AKAP19: variants seen among roughly 807,000 people sequenced by gnomAD.
AKAP19 encodes the protein A-kinase anchoring protein 19, also known as small A-kinase anchoring protein.
chr2:189,978,414 A>G, the AKAP19 span, among the ~76,000 whole-genome samples: 6 of 152,106 alleles, frequency 3.9e-5, no homozygotes, highest in Admixed American at 1.3e-4. Flanking sequence ...TGAGGTCAGG[A>G]GTTCAAGACC....
the AKAP19 span, among the ~76,000 whole-genome samples, chr2:190,182,490 T>TAA: frequency 6.6e-6 from 1 of 152,214 alleles, no homozygotes. Flanking sequence ...ATACTTTGTC[T>TAA]AACCCTAGGG....
At chr2:190,019,771 C>A in the AKAP19 span, among the ~76,000 whole-genome samples, 1 of 152,100 alleles carries the variant, frequency 6.6e-6, no homozygotes, top group Non-Finnish European at 1.5e-5. Flanking sequence ...CAGGATTATC[C>A]TCTCTGTTTG....
At chr2:190,171,286 A>C in the AKAP19 span, among the ~76,000 whole-genome samples, 6 of 152,144 alleles carry the variant, frequency 3.9e-5, no homozygotes, top group African/African-American at 1.4e-4. Context: ...ATTTTACTGA[A>C]GGTGAAGGAA....
At chr2:190,001,542 A>G in the AKAP19 span, among the ~76,000 whole-genome samples, 1 of 152,036 alleles carries the variant, frequency 6.6e-6, no homozygotes, top group Non-Finnish European at 1.5e-5. Context: ...ATTAGCACTG[A>G]TGTCTCTCCT....
At chr2:190,101,414 G>A in the AKAP19 span, among the ~76,000 whole-genome samples, 1 of 152,250 alleles carries the variant, frequency 6.6e-6, no homozygotes, top group South Asian at 2.1e-4. Flanking sequence ...GCTCCCCTGA[G>A]AGGATAGCAG....
At chr2:189,888,968 T>C in the AKAP19 span, among the ~76,000 whole-genome samples, 4 of 152,212 alleles carry the variant, frequency 2.6e-5, no homozygotes, top group Non-Finnish European at 5.9e-5. Context: ...CTTCCAATAC[T>C]ATGTTGAATA....
At chr2:190,165,267 T>C in the AKAP19 span, among the ~76,000 whole-genome samples, 1 of 151,936 alleles carries the variant, frequency 6.6e-6, no homozygotes, top group African/African-American at 2.4e-5. Flanking sequence ...TGAAATCCCA[T>C]CTCTACTAAA....
the AKAP19 span, among the ~76,000 whole-genome samples, chr2:190,162,881 A>G: frequency 6.6e-6 from 1 of 152,198 alleles, no homozygotes; most frequent in Non-Finnish European, 1.5e-5. Flanking sequence ...GAAATTATAT[A>G]TTTGTCTAGA....
the AKAP19 span, among the ~76,000 whole-genome samples, chr2:190,185,665 T>C: frequency 6.6e-6 from 1 of 152,216 alleles, no homozygotes; most frequent in African/African-American, 2.4e-5. Context: ...TTTTTTCCTC[T>C]ACCTGGAGGA....
chr2:190,107,325 A>G, the AKAP19 span, among the ~76,000 whole-genome samples: 2 of 152,208 alleles, frequency 1.3e-5, no homozygotes, highest in Non-Finnish European at 2.9e-5. Flanking sequence ...TGCTAAGATA[A>G]TAAATTTAAA....
the AKAP19 span, among the ~76,000 whole-genome samples, chr2:189,882,138 A>G: frequency 8.1e-3 from 1,228 of 152,292 alleles, 15 homozygotes; most frequent in African/African-American, 0.027. Context: ...GGCCTGTCAG[A>G]AAGTGACATT....
At chr2:189,885,532 C>T in the AKAP19 span, among the ~76,000 whole-genome samples, 1 of 152,184 alleles carries the variant, frequency 6.6e-6, no homozygotes, top group Non-Finnish European at 1.5e-5. Flanking sequence ...AACCACCCAG[C>T]TGAGCTCGTT....
chr2:190,035,982 C>T, the AKAP19 span, among the ~76,000 whole-genome samples: 1 of 152,108 alleles, frequency 6.6e-6, no homozygotes, highest in African/African-American at 2.4e-5. Context: ...TTATAAGAAA[C>T]AGCCAAACTG....
chr2:190,113,919 A>G, the AKAP19 span, among the ~76,000 whole-genome samples: 8 of 152,218 alleles, frequency 5.3e-5, no homozygotes, highest in Non-Finnish European at 1.0e-4. Context: ...AAAGGAAACT[A>G]GGATAAGACA....
At chr2:189,913,619 G>C in the AKAP19 span, among the ~76,000 whole-genome samples, 1 of 152,010 alleles carries the variant, frequency 6.6e-6, no homozygotes, top group Non-Finnish European at 1.5e-5. Context: ...TATGGCTATA[G>C]GTTAGCTGGA....
the AKAP19 span, among the ~76,000 whole-genome samples, chr2:190,133,862 G>A: frequency 2.8e-4 from 42 of 152,288 alleles, 2 homozygotes; most frequent in Admixed American, 2.7e-3. Context: ...TTGAGGAAAT[G>A]TTGGTCAAGG....
At chr2:190,115,198 A>G in the AKAP19 span, among the ~76,000 whole-genome samples, 2 of 131,514 alleles carry the variant, frequency 1.5e-5, no homozygotes, top group African/African-American at 5.7e-5. Context: ...AGAGAGAGAC[A>G]GAGAGAGACA....
At chr2:189,886,611 G>A in the AKAP19 span, among the ~76,000 whole-genome samples, 2 of 152,150 alleles carry the variant, frequency 1.3e-5, no homozygotes, top group Non-Finnish European at 2.9e-5. Flanking sequence ...ATGCAGGAGG[G>A]ATCAGAATAA....
chr2:189,945,079 A>T, the AKAP19 span, among the ~76,000 whole-genome samples: 1 of 152,208 alleles, frequency 6.6e-6, no homozygotes, highest in Non-Finnish European at 1.5e-5. Context: ...AATCTATGGG[A>T]TACGGCAAAA....
Sources: gnomAD v4.1 joint callset for allele counts (sites outside exome capture counted in the v4.1 genomes callset) on GRCh38, gnomAD v4.1.1 for gene constraint, MANE v1.5 for transcripts, NCBI Gene and HGNC (gene_info 2026-07-23, HGNC 2026-07-21) for gene names.